AXIN1: variants seen among roughly 807,000 people sequenced by gnomAD.
AXIN1 encodes the protein axin 1, also known as axin-1.
Under a neutral mutation model 76.4 loss-of-function variants are expected in AXIN1, and 30 were observed. That is an observed-to-expected ratio of 0.39 (90% confidence interval 0.29 to 0.53). The LOEUF (loss-of-function observed/expected upper bound fraction) is 0.53. Among genes scored for constraint, AXIN1 ranks in the 20% least tolerant of loss-of-function variants. AXIN1 has a pLI of 0.66. For synonymous variants in AXIN1, 545 were observed against 501.4 expected (o/e 1.09, Z -1.16); for missense variants, 1,140 against 1,198.8 (o/e 0.95, Z 0.72).
Position 336,816 on chromosome 16 carries a change from C to CA in AXIN1, c.878+9331dup, listed in dbSNP as rs57147459. Among the ~76,000 whole-genome samples, 644 of 76,992 alleles carry CA rather than the reference C, an allele frequency of 8.4e-3. 10 individuals are homozygous for CA. Among genetic ancestry groups the CA allele is most frequent in the African/African-American group, 0.017 (332 of 19,126 alleles). The allele number at this position is 76,992 out of a possible 152,430, so 50.5% of individuals were successfully genotyped here. ...TGGGCAACAGAGCAAGACTCCGCCT[C>CA]AAAAAAAAAAAAAAAAAACAAAACA... On this transcript the variant is annotated intron_variant, in intron 2 of 10. Coordinates refer to ENST00000262320, the MANE Select transcript of AXIN1 (RefSeq NM_003502.4).
chr16:326,080 C>T (rs1191284870), intron 2 of AXIN1, among the ~76,000 whole-genome samples: 5 of 152,000 alleles, frequency 3.3e-5, no homozygotes, highest in East Asian at 1.9e-4. Context: ...AAGGGCCAGG[C>T]GTGGTGGCTC....
At chr16:325,462 C>T (rs1348315962) in intron 2 of AXIN1, among the ~76,000 whole-genome samples, 2 of 152,226 alleles carry the variant, frequency 1.3e-5, no homozygotes, top group Non-Finnish European at 2.9e-5. Context: ...GGCAGTGCCA[C>T]TGGAGTTGGG....
chr16:323,641 C>T (rs934526458), intron 2 of AXIN1, among the ~76,000 whole-genome samples: 5 of 148,008 alleles, frequency 3.4e-5, no homozygotes, highest in Admixed American at 1.3e-4. Flanking sequence ...ATTAGCCAAG[C>T]GTGGTGGCAG....
chr16:329,658 C>T (rs1235985684), intron 2 of AXIN1, among the ~76,000 whole-genome samples: 2 of 151,866 alleles, frequency 1.3e-5, no homozygotes, highest in African/African-American at 2.4e-5. Context: ...CTATGTCGCC[C>T]AGGCTAGAGT....
chr16:295,368 C>A (rs1190072881), intron 7 of AXIN1, among the ~76,000 whole-genome samples: 6 of 151,816 alleles, frequency 4.0e-5, no homozygotes, highest in African/African-American at 1.2e-4. Context: ...CCTCGGCCTC[C>A]CAAAGTGCTG....
At chr16:310,397 T>C (rs1390989185) in intron 3 of AXIN1, among the ~76,000 whole-genome samples, 1 of 152,172 alleles carries the variant, frequency 6.6e-6, no homozygotes, top group Non-Finnish European at 1.5e-5. Context: ...TTCTACATTT[T>C]TTTTTCTTCT....
intron 2 of AXIN1, among the ~76,000 whole-genome samples, chr16:325,465 G>T (rs1323167933): frequency 1.3e-5 from 2 of 152,222 alleles, no homozygotes; most frequent in African/African-American, 2.4e-5. Flanking sequence ...AGTGCCACTG[G>T]AGTTGGGGCA....
chr16:351,132 CAA>C (rs71391129), intron 1 of AXIN1, among the ~76,000 whole-genome samples: 1 of 111,568 alleles, frequency 9.0e-6, no homozygotes, highest in Non-Finnish European at 1.8e-5. Flanking sequence ...AACTCTGTCT[CAA>C]AAAAAAAAAA....
At chr16:335,462 A>G (rs559024838) in intron 2 of AXIN1, among the ~76,000 whole-genome samples, 1 of 152,256 alleles carries the variant, frequency 6.6e-6, no homozygotes, top group South Asian at 2.1e-4. Flanking sequence ...ACCCAGTACC[A>G]CAGCACACCA....
At chr16:295,823 C>T (rs908211873) in intron 7 of AXIN1, among the ~76,000 whole-genome samples, 4 of 152,062 alleles carry the variant, frequency 2.6e-5, no homozygotes, top group Non-Finnish European at 5.9e-5. Flanking sequence ...AAAAATCAGC[C>T]GGGCGTGGTG....
In AXIN1 at chr16:293,512, G is replaced by A. The variant is rs758750814; in HGVS notation, c.2162C>T (p.Ala721Val). Residue 721 changes from alanine (A) to valine (V), a missense_variant, in exon 8 of 11, where the codon GCC (alanine) becomes GTC (valine). This residue lies in a region of AXIN1 where 429 missense variants were observed against 405.8 expected (regional missense o/e 1.06). Transcript: ENST00000262320. The surrounding 1 kb of genome is among the most constrained non-coding windows in gnomAD (Gnocchi z 4.6). ...RRRLEEEEKR[A>V]SRAPSKQRYV... The stretch of plus-strand genomic sequence containing the variant: ...CCTCTGCTTGGAGGGTGCTCGGCTG[G>A]CTCTCTTTTCTTCCTCCTCCAGACG... 54 of 1,609,844 alleles carry A rather than the reference G, an allele frequency of 3.4e-5. No homozygotes were observed. Among genetic ancestry groups the A allele is most frequent in the Non-Finnish European group, 4.4e-5 (52 of 1,179,970 alleles).
chr16:296,521 C>T (rs761681807), intron 7 of AXIN1, among the ~76,000 whole-genome samples: 28 of 152,206 alleles, frequency 1.8e-4, no homozygotes, highest in Non-Finnish European at 4.0e-4. Flanking sequence ...CCAAGACCGG[C>T]CCGGCGGGCA....
At chr16:342,754 G>A (rs2053955474) in intron 2 of AXIN1, among the ~76,000 whole-genome samples, 1 of 152,242 alleles carries the variant, frequency 6.6e-6, no homozygotes, top group Admixed American at 6.5e-5. Flanking sequence ...GGAGCCCAGA[G>A]CCCAAGGTCA....
In AXIN1 at chr16:297,920, A is replaced by G. The variant is rs2141511510; in HGVS notation, c.1586T>C (p.Leu529Pro). 1.3e-6 allele frequency: 2 copies of G among 1,597,424 alleles called. No individual in the cohort carries two copies. The highest frequency in any genetic ancestry group is 1.7e-6 in the Non-Finnish European group (2 of 1,171,500). ...GTGGTGGACGTGTCGGTGGTGGTGC[A>G]GGCCGGCCGCGTCCAGCTTCGCCCC... ...KSGAKLDAAG[L>P]HHHRHVHHHV... Residue 529 changes from leucine (L) to proline (P), a missense_variant, in exon 6 of 11, where the codon CTG (leucine) becomes CCG (proline). Leu to Pro is a moderately conservative substitution (Grantham distance 98, BLOSUM62 -3). Transcript: ENST00000262320.
chr16:344,007 CAAAAAAAA>C (rs35154860), intron 2 of AXIN1, among the ~76,000 whole-genome samples: 1 of 129,788 alleles, frequency 7.7e-6, no homozygotes, highest in African/African-American at 2.8e-5. Flanking sequence ...GACTCCATTT[CAAAAAAAA>C]AAAAAAGAAA....
rs1362608628 is a variant in AXIN1, at chr16:291,227, C to A, written c.2257G>T (p.Val753Leu). The change falls in exon 9 of 11, where the codon GTA becomes TTA. Residue 753 changes from valine to leucine, a missense_variant. This residue lies in a region of AXIN1 where 429 missense variants were observed against 405.8 expected (regional missense o/e 1.06). Transcript: ENST00000262320. ...AGCTCCATGTCCGACACGGCTGGTA[C>A]CACGTGCAGCACCGGCGCGCACGCT... ...RPACAPVLHV[V>L]PAVSDMELSE... 1.3e-6 allele frequency: 2 copies of A among 1,588,836 alleles called. No individual in the cohort carries two copies. The highest frequency in any genetic ancestry group is 2.7e-5 in the African/African-American group (2 of 74,760).
At chr16:300,780 C>G (rs2052848101) in intron 5 of AXIN1, among the ~76,000 whole-genome samples, 1 of 152,174 alleles carries the variant, frequency 6.6e-6, no homozygotes, top group Non-Finnish European at 1.5e-5. Flanking sequence ...CCCGGGCACT[C>G]TGGGGAGAAA....
intron 5 of AXIN1, among the ~76,000 whole-genome samples, chr16:303,378 G>A (rs935121454): frequency 4.0e-5 from 6 of 151,794 alleles, no homozygotes; most frequent in African/African-American, 7.3e-5. Context: ...GGCTTTGCGG[G>A]AAGTGATTTT....
At chr16:318,460 G>A (rs1365921726) in intron 2 of AXIN1, among the ~76,000 whole-genome samples, 1 of 152,188 alleles carries the variant, frequency 6.6e-6, no homozygotes, top group Non-Finnish European at 1.5e-5. Flanking sequence ...CCAGACAACT[G>A]CCCTGGCTCT....
Sources: gnomAD v4.1 joint callset for allele counts (sites outside exome capture counted in the v4.1 genomes callset) on GRCh38, gnomAD v4.1.1 for gene constraint, gnomAD v4.1.1 regional missense constraint, Gnocchi (gnomAD v3.1) non-coding constraint, MANE v1.5 for transcripts, NCBI Gene and HGNC (gene_info 2026-07-23, HGNC 2026-07-21) for gene names.